Variants in HECW2 observed in about 807,000 individuals in gnomAD.
HECW2 encodes HECT, C2 and WW domain containing E3 ubiquitin protein ligase 2.
A neutral mutation model predicts 175.2 loss-of-function variants in HECW2; 61 were observed. The ratio of observed to expected loss-of-function variants is 0.35; its 90% CI spans 0.28 to 0.43. The LOEUF (loss-of-function observed/expected upper bound fraction) is 0.43. Ranked by LOEUF, HECW2 falls within the 20% of genes least tolerant of loss-of-function variation. HECW2 has a pLI of 1.00. For synonymous variants in HECW2, 671 were observed against 731.0 expected (o/e 0.92, Z 1.32); for missense variants, 1,524 against 2,000.5 (o/e 0.76, Z 4.54).
intron 2 of HECW2, among the ~76,000 whole-genome samples, chr2:196,372,868 G>A (rs563310835): frequency 2.4e-4 from 37 of 152,160 alleles, no homozygotes; most frequent in African/African-American, 8.4e-4. Flanking sequence ...CTTTGGTTCC[G>A]CGGCCAAAAA....
At chr2:196,533,829 T>C (rs1688925564) in intron 1 of HECW2, among the ~76,000 whole-genome samples, 1 of 152,242 alleles carries the variant, frequency 6.6e-6, no homozygotes, top group Non-Finnish European at 1.5e-5. Flanking sequence ...CATTTTGCTT[T>C]GTATCAAGAA....
chr2:196,195,705 T>A lies in HECW2; in HGVS notation c.*5572A>T, dbSNP rs184825405. 6.0e-4 allele frequency: 91 copies of A among 152,280 alleles called. No individual in the cohort carries two copies. Among genetic ancestry groups the A allele is most frequent in the African/African-American group, 2.1e-3 (89 of 41,544 alleles). The allele number at this position is 152,280 out of a possible 1,614,324, so 9.4% of individuals were successfully genotyped here. A position where few individuals can be genotyped will look rare whatever the true frequency, so the allele number is the denominator to read the frequency against. Reference sequence around the variant, plus strand: ...GTCCGCTAAAAAAACCAAATAAGTATAATGAAATAAAAGCACCCTTTCTTT... The same window carrying A: ...GTCCGCTAAAAAAACCAAATAAGTAAAATGAAATAAAAGCACCCTTTCTTT... On this transcript the variant is annotated 3_prime_UTR_variant, in exon 29 of 29. Transcript: ENST00000644978.
At chr2:196,225,282 C>T (rs571996061) in intron 23 of HECW2, among the ~76,000 whole-genome samples, 385 of 152,224 alleles carry the variant, frequency 2.5e-3, no homozygotes, top group African/African-American at 8.4e-3. Flanking sequence ...TGGCACTGTC[C>T]ACCCTTGACA....
At chr2:196,451,327 A>G (rs112374024) in intron 1 of HECW2, among the ~76,000 whole-genome samples, 20,089 of 150,638 alleles carry the variant, frequency 0.13, 1,789 homozygotes, top group African/African-American at 0.26. Flanking sequence ...CCAGCTACTC[A>G]GGAGGCTGAG....
intron 5 of HECW2, 116 bp downstream of exon 5, chr2:196,329,459 A>G: frequency 4.2e-6 from 3 of 715,280 alleles, no homozygotes; most frequent in Non-Finnish European, 7.3e-6. Flanking sequence ...ATGACCCCCC[A>G]AAACTAGTTC....
intron 2 of HECW2, among the ~76,000 whole-genome samples, chr2:196,355,388 C>T (rs1396567773): frequency 3.3e-5 from 5 of 152,144 alleles, no homozygotes; most frequent in South Asian, 4.1e-4. Flanking sequence ...TCGGTAAACA[C>T]CTTAGCACAA....
rs369095311 is a variant in HECW2 at position 196,198,882 on chromosome 2, A to G, written c.*2395T>C. 9.8e-5 allele frequency: 15 copies of G among 152,312 alleles called. 1 individual carries two copies. The South Asian group carries it at 3.1e-3, about 32-fold the overall frequency. The allele number at this position is 152,312 out of a possible 1,614,324, so 9.4% of individuals were successfully genotyped here. A position where few individuals can be genotyped will look rare whatever the true frequency, so the allele number is the denominator to read the frequency against. ...ATAAGTACATCTTTGATAATTCCCA[A>G]TCTGAGAACAGTATCAACTAGATGA... On this transcript the variant is annotated 3_prime_UTR_variant, in exon 29 of 29. Coordinates refer to ENST00000644978, the MANE Select transcript of HECW2 (RefSeq NM_001348768.2).
chr2:196,239,194 G>T (rs1688360582), intron 21 of HECW2: 1 of 152,186 alleles, frequency 6.6e-6, no homozygotes, highest in East Asian at 1.9e-4. Flanking sequence ...TACAAATTTT[G>T]TCATGTCATA....
chr2:196,433,135 T>C lies in HECW2; in HGVS notation c.289A>G (p.Ile97Val), dbSNP rs1162594428. The change falls in exon 2 of 29, where the codon ATA (isoleucine) becomes GTA (valine). Residue 97 changes from isoleucine (I) to valine (V), a missense_variant. By Grantham distance (29) the Ile-to-Val change is conservative. This residue lies in a region of HECW2 where 135 missense variants were observed against 214.6 expected (regional missense o/e 0.63). Coordinates refer to ENST00000644978, the MANE Select transcript of HECW2 (RefSeq NM_001348768.2). ...DPSDWIGLYH[I>V]DENSPANFWD... is the part of the protein sequence containing the mutation. Reference sequence around the variant, plus strand: ...AAGTCCATTCCACTTGACTCACCTATATGATAAAGTCCAATCCAATCACTG... The same window carrying C: ...AAGTCCATTCCACTTGACTCACCTACATGATAAAGTCCAATCCAATCACTG... 6.2e-7 allele frequency: 1 copy of C among 1,607,492 alleles called. No individual in the cohort carries two copies. The highest frequency in any genetic ancestry group is 1.3e-5 in the African/African-American group (1 of 74,912).
chr2:196,338,185 A>T (rs560608028), intron 3 of HECW2, among the ~76,000 whole-genome samples: 10 of 152,292 alleles, frequency 6.6e-5, no homozygotes, highest in Admixed American at 6.5e-4. Flanking sequence ...AGTGTTTAGG[A>T]ACTTAAACCT....
chr2:196,571,425 G>C (rs1333986632), intron 1 of HECW2, among the ~76,000 whole-genome samples: 1 of 152,066 alleles, frequency 6.6e-6, no homozygotes, highest in Non-Finnish European at 1.5e-5. Flanking sequence ...TTATCAAGTT[G>C]AGGCTGGGCG....
intron 28 of HECW2, among the ~76,000 whole-genome samples, chr2:196,210,533 A>G (rs961971634): frequency 6.6e-6 from 1 of 151,924 alleles, no homozygotes; most frequent in East Asian, 1.9e-4. Flanking sequence ...ATATGTAGGT[A>G]TTTTAATATA....
At chr2:196,426,231 A>G (rs1020039481) in intron 2 of HECW2, among the ~76,000 whole-genome samples, 54 of 152,212 alleles carry the variant, frequency 3.5e-4, no homozygotes, top group Non-Finnish European at 1.2e-4. Context: ...ATATGCACTG[A>G]GAAACCAAAA....
intron 3 of HECW2, among the ~76,000 whole-genome samples, chr2:196,337,374 A>C (rs1692586946): frequency 6.6e-6 from 1 of 151,522 alleles, no homozygotes. Context: ...GGTGGAAGTA[A>C]GCACAGGCAC....
At chr2:196,321,652 G>A (rs542877053) in intron 7 of HECW2, among the ~76,000 whole-genome samples, 1 of 152,118 alleles carries the variant, frequency 6.6e-6, no homozygotes, top group South Asian at 2.1e-4. Context: ...TGCCCACCTC[G>A]TCCGCTCAAA....
intron 28 of HECW2, among the ~76,000 whole-genome samples, chr2:196,215,200 T>C (rs1417180032): frequency 1.3e-5 from 2 of 152,232 alleles, no homozygotes; most frequent in Non-Finnish European, 2.9e-5. Context: ...TTTGTACTAG[T>C]CCTTGCTTCT....
chr2:196,329,670 A>T lies in HECW2; in HGVS notation c.496-20T>A. Reference sequence around the variant, plus strand: ...CCCCATCTGAAAAGAAAAAACATGCATCTGAAGTTTCAGAAGCATATGATG... The same window carrying T: ...CCCCATCTGAAAAGAAAAAACATGCTTCTGAAGTTTCAGAAGCATATGATG... On this transcript the variant is annotated intron_variant, in intron 4 of 28. Transcript: ENST00000644978. 1.2e-6 allele frequency: 2 copies of T among 1,601,536 alleles called. No homozygotes were observed. The highest frequency in any genetic ancestry group is 1.7e-6 in the Non-Finnish European group (2 of 1,168,892).
At chr2:196,221,063 C>G (rs974887068) in intron 24 of HECW2, 122 bp from the exon 25 acceptor site, 7 of 1,045,066 alleles carry the variant, frequency 6.7e-6, no homozygotes, top group African/African-American at 1.6e-5. Context: ...GCACATCCCA[C>G]AAGCTGGCAG....
chr2:196,419,245 A>G (rs1355340199), intron 2 of HECW2, among the ~76,000 whole-genome samples: 1 of 152,216 alleles, frequency 6.6e-6, no homozygotes, highest in African/African-American at 2.4e-5. Context: ...TACCCAGAAT[A>G]GTTAGGTAGA....
Sources: gnomAD v4.1 joint callset for allele counts (sites outside exome capture counted in the v4.1 genomes callset) on GRCh38, gnomAD v4.1.1 for gene constraint, gnomAD v4.1.1 regional missense constraint, MANE v1.5 for transcripts, NCBI Gene and HGNC (gene_info 2026-07-23, HGNC 2026-07-21) for gene names.